The following STK33 variants were observed in gnomAD, a reference collection of about 807,000 sequenced individuals.
The protein encoded by STK33 is serine/threonine kinase 33.
In STK33, 52 loss-of-function variants were observed where a neutral mutation model predicts 58.0. The ratio of observed to expected loss-of-function variants is 0.90; its 90% CI spans 0.72 to 1.13. The LOEUF (loss-of-function observed/expected upper bound fraction) is 1.13. Ranked by LOEUF, STK33 falls within the 50% of genes most tolerant of loss-of-function variation. The pLI is 0.00. For missense variants in STK33, 630 were observed against 604.2 expected (o/e 1.04, Z -0.45); for synonymous variants, 215 against 200.1 (o/e 1.07, Z -0.63).
intron 1 of STK33, among the ~76,000 whole-genome samples, chr11:8,493,545 T>C (rs1433034608): frequency 6.6e-6 from 1 of 152,200 alleles, no homozygotes; most frequent in East Asian, 1.9e-4. Context: ...CCATTCCTTC[T>C]GAAACGATTT....
intron 1 of STK33, among the ~76,000 whole-genome samples, chr11:8,507,655 G>T (rs1951967911): frequency 6.6e-6 from 1 of 152,098 alleles, no homozygotes; most frequent in African/African-American, 2.4e-5. Flanking sequence ...CACCCCTGAT[G>T]AAAAACCTCT....
chr11:8,569,946 C>T (rs1030390831), intron 1 of STK33, among the ~76,000 whole-genome samples: 4 of 151,838 alleles, frequency 2.6e-5, no homozygotes, highest in African/African-American at 9.7e-5. Context: ...GAGACCCTGT[C>T]TCAAAAAAAT....
chr11:8,561,729 C>CA (rs1047643698), intron 1 of STK33, among the ~76,000 whole-genome samples: 8 of 152,160 alleles, frequency 5.3e-5, no homozygotes, highest in African/African-American at 1.9e-4. Context: ...AAGCCTATGG[C>CA]ATAAGCCTAA....
At chr11:8,489,077 A>G (rs1280765026) in intron 1 of STK33, among the ~76,000 whole-genome samples, 6 of 151,926 alleles carry the variant, frequency 3.9e-5, no homozygotes, top group Non-Finnish European at 8.8e-5. Flanking sequence ...TTGGCAACAG[A>G]GCTAGACCCT....
chr11:8,575,925 T>C (rs1958150242), intron 1 of STK33, among the ~76,000 whole-genome samples: 1 of 151,974 alleles, frequency 6.6e-6, no homozygotes, highest in African/African-American at 2.4e-5. Context: ...AATCATGGAG[T>C]ACCTTACAAG....
the STK33 span, among the ~76,000 whole-genome samples, chr11:8,350,262 C>T: frequency 6.6e-6 from 1 of 152,170 alleles, no homozygotes; most frequent in Non-Finnish European, 1.5e-5. Context: ...AGGAGCAGGG[C>T]CCAGACTCCC....
the STK33 span, among the ~76,000 whole-genome samples, chr11:8,336,812 G>A: frequency 2.0e-5 from 3 of 152,258 alleles, no homozygotes; most frequent in Admixed American, 6.5e-5. Context: ...AAGGCTGGGC[G>A]GTGGCTGTGG....
rs1261162693 is a variant in STK33, at chr11:8,392,499, T to G, written c.*11A>C. On this transcript the variant is annotated 3_prime_UTR_variant, in exon 16 of 16. Transcript: ENST00000687296. ...GCTTTGTTTTTGTACTGTCCAACAC[T>G]GGAGGGAACCTTAGAGTTTCTTTTT... The G allele has an allele frequency of 6.2e-7, 1 of 1,614,052 alleles. No homozygotes were observed. Among genetic ancestry groups the G allele is most frequent in the Non-Finnish European group, 8.5e-7 (1 of 1,180,006 alleles).
chr11:8,396,705 T>G (rs754087836), intron 15 of STK33, among the ~76,000 whole-genome samples: 7 of 152,216 alleles, frequency 4.6e-5, no homozygotes, highest in Non-Finnish European at 7.3e-5. Flanking sequence ...GGGAATTCCC[T>G]TTCCTAGTCA....
At chr11:8,579,125 G>A (rs572436043) in intron 1 of STK33, among the ~76,000 whole-genome samples, 2 of 151,814 alleles carry the variant, frequency 1.3e-5, no homozygotes, top group Non-Finnish European at 2.9e-5. Flanking sequence ...TAAAATGTGT[G>A]GCATTCAATC....
chr11:8,377,544 C>T, the STK33 span, among the ~76,000 whole-genome samples: 3 of 152,100 alleles, frequency 2.0e-5, no homozygotes, highest in Admixed American at 1.3e-4. Context: ...TGAAACATTC[C>T]CCCTGAGAAC....
chr11:8,400,676 A>G (rs1489415303), intron 15 of STK33, among the ~76,000 whole-genome samples: 1 of 152,194 alleles, frequency 6.6e-6, no homozygotes, highest in Non-Finnish European at 1.5e-5. Context: ...GAGGAAGTCA[A>G]ATTGTCCCTG....
In STK33 at chr11:8,474,789, C is replaced by T. The variant is rs774237367; in HGVS notation, c.117G>A (p.Val39=). The T allele has an allele frequency of 4.3e-6, 7 of 1,613,330 alleles. No homozygotes were observed. The South Asian group carries it at 5.5e-5, about 13-fold the overall frequency. ...TGCTTGATGTCTGTGACATTTCCAC[C>T]ACCAAAACTGGAGGAACCCTTGTTT... ...SSKTRVPPVL[V]VEMSQTSSIG... The change falls in exon 5 of 16, where the codon GTG becomes GTA. Residue 39 remains valine (V), a synonymous_variant. Coordinates refer to ENST00000687296, the MANE Select transcript of STK33 (RefSeq NM_001352389.2).
intron 1 of STK33, among the ~76,000 whole-genome samples, chr11:8,522,245 A>T (rs1005860784): frequency 3.3e-5 from 5 of 152,242 alleles, no homozygotes; most frequent in African/African-American, 1.2e-4. Flanking sequence ...TCAATGATTG[A>T]CTGGATTAAG....
At chr11:8,538,258 A>G (rs1955214245) in intron 1 of STK33, among the ~76,000 whole-genome samples, 1 of 152,210 alleles carries the variant, frequency 6.6e-6, no homozygotes, top group African/African-American at 2.4e-5. Flanking sequence ...TATAATGAGT[A>G]TCTTATACAT....
the STK33 span, among the ~76,000 whole-genome samples, chr11:8,353,733 T>C: frequency 6.6e-6 from 1 of 152,158 alleles, no homozygotes; most frequent in African/African-American, 2.4e-5. Flanking sequence ...GGGGTGCCTT[T>C]TACCCTTGCA....
At position 8,471,977 on chromosome 11, in the gene STK33, A is replaced by G. The variant is rs1035231064; in HGVS notation, c.339+1186T>C. ...GTCTCACTCTGTCGCCCAGGCTAGA[A>G]TGCAGTGGTATGATCATAGCTCACT... On this transcript the variant is annotated intron_variant, in intron 6 of 15. Transcript: ENST00000687296. Among the ~76,000 whole-genome samples, 26 of 152,106 alleles carry G rather than the reference A, an allele frequency of 1.7e-4. 1 individual carries two copies. Among genetic ancestry groups the G allele is most frequent in the Non-Finnish European group, 3.4e-4 (23 of 68,034 alleles).
chr11:8,465,997 C>G (rs1464498592), intron 6 of STK33: 2 of 152,230 alleles, frequency 1.3e-5, no homozygotes, highest in Admixed American at 1.3e-4. Flanking sequence ...TTAAAACCAT[C>G]AGATCTCGTG....
At chr11:8,348,893 T>A in the STK33 span, among the ~76,000 whole-genome samples, 1 of 149,608 alleles carries the variant, frequency 6.7e-6, no homozygotes, top group African/African-American at 2.5e-5. Context: ...AAAAAAAAAA[T>A]CACATGACAT....
Sources: allele counts gnomAD v4.1 joint callset (sites outside exome capture counted in the v4.1 genomes callset), GRCh38; gene constraint gnomAD v4.1.1; transcripts MANE v1.5; gene names NCBI Gene and HGNC (gene_info 2026-07-23, HGNC 2026-07-21).